The following PIK3C2G variants were observed in gnomAD, a reference collection of about 807,000 sequenced individuals.
PIK3C2G encodes the protein phosphatidylinositol 3-kinase C2 domain-containing subunit gamma.
PIK3C2G carries 168 observed loss-of-function variants against 181.1 expected under a neutral mutation model. The observed-to-expected ratio is 0.93, with a 90% CI of 0.82 to 1.05. The LOEUF (loss-of-function observed/expected upper bound fraction) is 1.05. PIK3C2G is among the 50% of genes least tolerant of loss of function. The pLI is 0.00. For synonymous variants in PIK3C2G, 573 were observed against 592.2 expected (o/e 0.97, Z 0.47); for missense variants, 1,869 against 1,732.8 (o/e 1.08, Z -1.40).
At chr12:18,551,200 G>A (rs908804240) in intron 26 of PIK3C2G, among the ~76,000 whole-genome samples, 2 of 152,034 alleles carry the variant, frequency 1.3e-5, no homozygotes, top group African/African-American at 4.8e-5. Context: ...GCTGAGTGCT[G>A]TTGAATAGAA....
intron 29 of PIK3C2G, among the ~76,000 whole-genome samples, chr12:18,580,316 T>C (rs12827287): frequency 0.16 from 24,832 of 152,222 alleles, 2,201 homozygotes; most frequent in East Asian, 0.25. Flanking sequence ...AGTACTGTTG[T>C]TCATTACCAG....
At chr12:18,379,025 A>C (rs1301281315) in intron 13 of PIK3C2G, among the ~76,000 whole-genome samples, 5 of 152,182 alleles carry the variant, frequency 3.3e-5, no homozygotes, top group Non-Finnish European at 2.9e-5. Context: ...TATATACCCA[A>C]AGGATTATAA....
In PIK3C2G at chr12:18,283,554, G is replaced by A. The variant is rs191351955; in HGVS notation, c.678+795G>A. Among the ~76,000 whole-genome samples the A allele has an allele frequency of 4.2e-3, 637 of 152,226 alleles. 5 individuals are homozygous for A. The highest frequency in any genetic ancestry group is 0.014 in the African/African-American group (584 of 41,542). ...ATATGCTATCCAGAATGAATGCAAA[G>A]AAGAAAAGATATGATACTTGAATTC... is the stretch of plus-strand genomic sequence containing the variant. On this transcript the variant is annotated intron_variant, in intron 2 of 32. Transcript: ENST00000538779.
chr12:18,467,161 G>A (rs970752447), intron 18 of PIK3C2G, among the ~76,000 whole-genome samples: 6 of 151,962 alleles, frequency 3.9e-5, no homozygotes, highest in African/African-American at 1.4e-4. Context: ...ACTGTTAATG[G>A]AACAGCCTCA....
intron 31 of PIK3C2G, among the ~76,000 whole-genome samples, chr12:18,612,725 A>G (rs911911407): frequency 6.6e-6 from 1 of 152,174 alleles, no homozygotes; most frequent in African/African-American, 2.4e-5. Context: ...ATGTTCCCAT[A>G]CCAAAATAAT....
In PIK3C2G at chr12:18,289,533, G is replaced by A. The variant is rs544631770; in HGVS notation, c.762-1322G>A. 6.6e-5 allele frequency among the ~76,000 whole-genome samples: 10 copies of A among 152,300 alleles called. No individual in the cohort carries two copies. In the South Asian group the frequency reaches 1.9e-3, roughly 28 times the overall value. On this transcript the variant is annotated intron_variant, in intron 3 of 32. Coordinates refer to ENST00000538779, the MANE Select transcript of PIK3C2G (RefSeq NM_001288772.2). ...TTATGGTAGAGTATAACAATGAAGA[G>A]TGGCCCATGTCCTTATTCTGAGCAG...
At position 18,564,570 on chromosome 12, in the gene PIK3C2G, A is replaced by G. The variant is rs188105007; in HGVS notation, c.3902+1072A>G. ...ATGAAAAAAAAAACTGTACTGGCAT[A>G]TGTAACAGGGATTTTTGAAATTCAG... On this transcript the variant is annotated intron_variant, in intron 28 of 32. Transcript: ENST00000538779. Among the ~76,000 whole-genome samples, 886 of 152,130 alleles carry G rather than the reference A, an allele frequency of 5.8e-3. 2 individuals carry two copies. The highest frequency in any genetic ancestry group is 0.01 in the Middle Eastern group (3 of 294).
the PIK3C2G span, among the ~76,000 whole-genome samples, chr12:18,692,138 C>T: frequency 1.3e-5 from 2 of 152,234 alleles, no homozygotes; most frequent in South Asian, 2.1e-4. Flanking sequence ...AGCAGAGGAG[C>T]GCTCAGCAGC....
At chr12:18,486,723 C>T (rs574060343) in intron 18 of PIK3C2G, among the ~76,000 whole-genome samples, 1 of 151,880 alleles carries the variant, frequency 6.6e-6, no homozygotes, top group African/African-American at 2.4e-5. Flanking sequence ...CATTGATATT[C>T]AACATAGAAA....
At chr12:18,277,663 C>T (rs1308871902) in intron 1 of PIK3C2G, among the ~76,000 whole-genome samples, 1 of 152,122 alleles carries the variant, frequency 6.6e-6, no homozygotes, top group Non-Finnish European at 1.5e-5. Context: ...GGATCAAGAA[C>T]AAACATTCTC....
chr12:18,552,207 C>T (rs1944769780), intron 26 of PIK3C2G, among the ~76,000 whole-genome samples: 1 of 152,072 alleles, frequency 6.6e-6, no homozygotes, highest in South Asian at 2.1e-4. Context: ...TGAGGGTTTG[C>T]AGACTCAATT....
chr12:18,479,821 T>A (rs2136014349), intron 18 of PIK3C2G, among the ~76,000 whole-genome samples: 1 of 152,332 alleles, frequency 6.6e-6, no homozygotes, highest in Non-Finnish European at 1.5e-5. Flanking sequence ...AGCTGGGCTC[T>A]TGTCATAGGT....
chr12:18,330,471 A>G (rs958697511), intron 8 of PIK3C2G, among the ~76,000 whole-genome samples: 3 of 152,142 alleles, frequency 2.0e-5, no homozygotes, highest in Non-Finnish European at 4.4e-5. Context: ...TCAGTGTTTT[A>G]ATTTTAGCCA....
intron 3 of PIK3C2G, among the ~76,000 whole-genome samples, chr12:18,289,906 T>A (rs1052025173): frequency 4.1e-4 from 62 of 152,068 alleles, no homozygotes; most frequent in African/African-American, 1.5e-3. Flanking sequence ...CAAGATTTCA[T>A]ATTCACCCTC....
At chr12:18,716,179 A>G in the PIK3C2G span, among the ~76,000 whole-genome samples, 4 of 151,918 alleles carry the variant, frequency 2.6e-5, no homozygotes, top group Non-Finnish European at 4.4e-5. Flanking sequence ...TGTCTTGCCT[A>G]TTTTATCAAC....
intron 31 of PIK3C2G, among the ~76,000 whole-genome samples, chr12:18,636,885 A>G (rs1018043675): frequency 2.6e-5 from 4 of 151,958 alleles, no homozygotes; most frequent in Non-Finnish European, 5.9e-5. Context: ...CACCTTTTTC[A>G]CCGTAATAGC....
the PIK3C2G span, among the ~76,000 whole-genome samples, chr12:18,680,053 G>A: frequency 6.6e-6 from 1 of 152,048 alleles, no homozygotes; most frequent in Non-Finnish European, 1.5e-5. Context: ...AGAACCCTTT[G>A]TTGGTACACA....
intron 6 of PIK3C2G, among the ~76,000 whole-genome samples, chr12:18,318,056 A>C (rs1950944855): frequency 6.6e-6 from 1 of 152,246 alleles, no homozygotes. Context: ...GCATTAAAAC[A>C]TTTAGAAATT....
intron 18 of PIK3C2G, among the ~76,000 whole-genome samples, chr12:18,479,298 A>T (rs982937580): frequency 3.3e-5 from 5 of 152,082 alleles, no homozygotes; most frequent in African/African-American, 1.2e-4. Context: ...TAATTCCTAG[A>T]TTGCATAAGA....
Sources: gnomAD v4.1 joint callset for allele counts (sites outside exome capture counted in the v4.1 genomes callset) on GRCh38, gnomAD v4.1.1 for gene constraint, MANE v1.5 for transcripts, NCBI Gene and HGNC (gene_info 2026-07-23, HGNC 2026-07-21) for gene names.